TG: variants seen among roughly 807,000 people sequenced by gnomAD.
TG encodes the protein thyroid hormones.
Under a neutral mutation model 324.7 loss-of-function variants are expected in TG, and 270 were observed. The ratio of observed to expected loss-of-function variants is 0.83; its 90% confidence interval spans 0.75 to 0.92. TG has a LOEUF of 0.92. TG is among the 40% of genes least tolerant of loss of function. The pLI is 0.00. For missense variants in TG, 3,591 were observed against 3,456.4 expected (o/e 1.04, Z -0.98); for synonymous variants, 1,401 against 1,327.0 (o/e 1.06, Z -1.21).
intron 35 of TG, among the ~76,000 whole-genome samples, chr8:133,007,538 G>A (rs1231540302): frequency 6.6e-6 from 1 of 152,068 alleles, no homozygotes; most frequent in Non-Finnish European, 1.5e-5. Context: ...TTTAGTATTA[G>A]CTTCATTTTT....
At chr8:133,000,886 A>G (rs1833414146) in intron 35 of TG, among the ~76,000 whole-genome samples, 1 of 152,272 alleles carries the variant, frequency 6.6e-6, no homozygotes, top group Non-Finnish European at 1.5e-5. Context: ...GGTAGCTTCA[A>G]CAACAGACAT....
chr8:133,024,424 G>C (rs1318857665), intron 40 of TG, among the ~76,000 whole-genome samples: 1 of 143,924 alleles, frequency 6.9e-6, no homozygotes, highest in East Asian at 2.0e-4. Context: ...TAAGTTCTGG[G>C]ATACATGTGC....
intron 45 of TG, among the ~76,000 whole-genome samples, chr8:133,124,232 T>C (rs1299102230): frequency 6.6e-6 from 1 of 152,220 alleles, no homozygotes; most frequent in Non-Finnish European, 1.5e-5. Flanking sequence ...ACTTGAATTG[T>C]GTGCTGCATC....
At chr8:133,000,666 C>T (rs1394827398) in intron 35 of TG, among the ~76,000 whole-genome samples, 1 of 152,128 alleles carries the variant, frequency 6.6e-6, no homozygotes, top group African/African-American at 2.4e-5. Context: ...ATGTCTGTGC[C>T]GCTTCGTACA....
intron 41 of TG, among the ~76,000 whole-genome samples, chr8:133,093,169 A>G (rs1847856805): frequency 1.4e-5 from 2 of 142,570 alleles, no homozygotes; most frequent in South Asian, 2.1e-4. Flanking sequence ...AGTACATCCA[A>G]TGGTTCTTAA....
intron 44 of TG, among the ~76,000 whole-genome samples, chr8:133,114,576 T>C (rs572706824): frequency 4.6e-5 from 7 of 152,226 alleles, no homozygotes; most frequent in African/African-American, 1.7e-4. Flanking sequence ...GAGACCACAG[T>C]GGGGACTGCA....
chr8:132,931,479 G>A (rs1231256268), intron 23 of TG, among the ~76,000 whole-genome samples: 1 of 152,188 alleles, frequency 6.6e-6, no homozygotes, highest in Non-Finnish European at 1.5e-5. Flanking sequence ...TTGTTGGTGG[G>A]GAAAGGGGAG....
At position 132,869,828 on chromosome 8, in the gene TG, T is replaced by G. The variant is rs1398373161; in HGVS notation, c.274+2T>G. 1.9e-6 allele frequency: 3 copies of G among 1,613,500 alleles called. No homozygotes were observed. In the East Asian group the frequency reaches 6.7e-5, roughly 36 times the overall value. The stretch of plus-strand genomic sequence containing the variant: ...GGCAGCCAGGACGGCCTGTGGCTTG[T>G]AAGTGGGAGTGGGGGACGTCCCTTG... On this transcript the variant is annotated splice_donor_variant, in intron 3 of 47. Transcript: ENST00000220616. LOFTEE classifies it high-confidence loss of function.
At position 133,133,641 on chromosome 8, in the gene TG, G is replaced by A. The variant is rs111563366; in HGVS notation, c.8169G>A (p.Ser2723=). ...GCTCCTTCTGGTCCAAGTACATCTC[G>A]TCTCTGAAGACATCTGCAGGTAGCA... ...ADCSFWSKYI[S]SLKTSADGAK... Residue 2723 remains serine, a synonymous_variant, in exon 47 of 48, where the codon TCG becomes TCA. Transcript: ENST00000220616. 3.7e-5 allele frequency: 60 copies of A among 1,613,898 alleles called. No individual in the cohort carries two copies. Among genetic ancestry groups the A allele is most frequent in the African/African-American group, 3.5e-4 (26 of 74,936 alleles).
At position 133,133,541 on chromosome 8, in the gene TG, C is replaced by G. The variant is rs747046942; in HGVS notation, c.8069C>G (p.Pro2690Arg). 5 of 1,614,172 alleles carry G rather than the reference C, an allele frequency of 3.1e-6. No individual in the cohort carries two copies. Among genetic ancestry groups the G allele is most frequent in the Non-Finnish European group, 4.2e-6 (5 of 1,180,030 alleles). ...TFATPWPDFV[P>R]RAGGENYKEF... ...GCAACCCCCTGGCCTGACTTTGTAC[C>G]CCGTGCTGGTGGAGAGAACTACAAG... The change falls in exon 47 of 48, where the codon CCC (proline) becomes CGC (arginine). Residue 2690 changes from proline (P) to arginine (R), a missense_variant. Coordinates refer to ENST00000220616, the MANE Select transcript of TG (RefSeq NM_003235.5).
At chr8:132,965,144 G>A (rs760166804) in intron 29 of TG, among the ~76,000 whole-genome samples, 2 of 152,166 alleles carry the variant, frequency 1.3e-5, no homozygotes, top group Admixed American at 6.5e-5. Context: ...CATGTGAGAT[G>A]AAGGCTGGGG....
chr8:132,868,747 G>A (rs1195034230), intron 2 of TG, among the ~76,000 whole-genome samples: 1 of 152,196 alleles, frequency 6.6e-6, no homozygotes, highest in Non-Finnish European at 1.5e-5. Context: ...TCTGAAAGGG[G>A]TTTCTCCAGC....
At chr8:133,098,748 T>G (rs1394292797) in intron 43 of TG, among the ~76,000 whole-genome samples, 1 of 152,152 alleles carries the variant, frequency 6.6e-6, no homozygotes, top group East Asian at 1.9e-4. Context: ...ATGCCATCCA[T>G]CAGGGAGGGT....
At chr8:133,060,179 G>A (rs773530929) in intron 41 of TG, 1 of 1,612,398 alleles carries the variant, frequency 6.2e-7, no homozygotes, top group Non-Finnish European at 8.5e-7. Context: ...TTTTCCCTGG[G>A]GCCGCTGGTG....
chr8:133,024,458 G>GGT (rs1299662217), intron 40 of TG, among the ~76,000 whole-genome samples: 2 of 150,772 alleles, frequency 1.3e-5, no homozygotes, highest in Admixed American at 1.3e-4. Flanking sequence ...TTGTTCCATA[G>GGT]GTATACATGT....
At chr8:132,948,247 T>TTTG (rs146245612) in intron 26 of TG, among the ~76,000 whole-genome samples, 4 of 150,910 alleles carry the variant, frequency 2.7e-5, no homozygotes, top group African/African-American at 9.7e-5. Flanking sequence ...AAGGTTGATC[T>TTTG]TGTGTGTGTG....
intron 10 of TG, among the ~76,000 whole-genome samples, chr8:132,891,331 T>C (rs555467406): frequency 6.6e-6 from 1 of 152,128 alleles, no homozygotes; most frequent in Non-Finnish European, 1.5e-5. Flanking sequence ...GGATAGTAAA[T>C]TGGGAACAGA....
chr8:132,882,750 T>C, intron 7 of TG, 64 bp from the exon 8 acceptor site: 1 of 1,606,304 alleles, frequency 6.2e-7, no homozygotes, highest in Non-Finnish European at 8.5e-7. Flanking sequence ...CAAACAGCAG[T>C]GCATGCTGTG....
chr8:133,097,543 T>C (rs1294686784), intron 43 of TG, among the ~76,000 whole-genome samples: 1 of 152,322 alleles, frequency 6.6e-6, no homozygotes, highest in Admixed American at 6.5e-5. Context: ...TGACACATTG[T>C]AAAATGACAA....
Sources: gnomAD v4.1 joint callset for allele counts (sites outside exome capture counted in the v4.1 genomes callset) on GRCh38, gnomAD v4.1.1 for gene constraint, MANE v1.5 for transcripts, NCBI Gene and HGNC (gene_info 2026-07-23, HGNC 2026-07-21) for gene names.